RGS7: variants seen among roughly 807,000 people sequenced by gnomAD.
RGS7 encodes regulator of G protein signaling 7.
In RGS7, 27 loss-of-function variants were observed where a neutral mutation model predicts 81.1. The observed-to-expected ratio is 0.33, with a 90% CI of 0.25 to 0.46. RGS7 has a LOEUF of 0.46. RGS7 is among the 20% of genes least tolerant of loss of function. The pLI is 1.00. For synonymous variants in RGS7, 208 were observed against 207.7 expected (o/e 1.00, Z -0.01); for missense variants, 396 against 607.4 (o/e 0.65, Z 3.66).
chr1:241,072,900 C>G (rs2062562926), intron 3 of RGS7, among the ~76,000 whole-genome samples: 4 of 152,112 alleles, frequency 2.6e-5, no homozygotes, highest in Admixed American at 1.3e-4. Flanking sequence ...TCAGGAGCTT[C>G]TCAGTATTTT....
At chr1:240,866,718 C>T (rs1221627414) in intron 9 of RGS7, among the ~76,000 whole-genome samples, 1 of 152,080 alleles carries the variant, frequency 6.6e-6, no homozygotes. Context: ...GAGGGAAAGA[C>T]AACTTTGATC....
chr1:240,961,841 C>T (rs1170091668), intron 4 of RGS7, among the ~76,000 whole-genome samples: 2 of 151,570 alleles, frequency 1.3e-5, no homozygotes, highest in East Asian at 1.9e-4. Context: ...TTATATTGTC[C>T]AAAACTTTTC....
chr1:240,866,128 A>G (rs535719866), intron 9 of RGS7, among the ~76,000 whole-genome samples: 91 of 152,358 alleles, frequency 6.0e-4, no homozygotes, highest in African/African-American at 1.8e-3. Context: ...TAATGTTAAG[A>G]AAAAGAAATG....
intron 2 of RGS7, among the ~76,000 whole-genome samples, chr1:241,172,547 A>G (rs1202018608): frequency 6.6e-6 from 1 of 152,098 alleles, no homozygotes; most frequent in Non-Finnish European, 1.5e-5. Flanking sequence ...GTTTAAGGCT[A>G]GGGGGATAGC....
At chr1:241,306,224 CACT>C (rs2080114927) in intron 2 of RGS7, among the ~76,000 whole-genome samples, 5 of 150,862 alleles carry the variant, frequency 3.3e-5, no homozygotes, top group South Asian at 2.1e-4. Context: ...CACAAGCACA[CACT>C]ACTACACACC....
At chr1:241,327,147 G>GAAAGAAAGAAAGAAAAGA (rs2081645661) in intron 2 of RGS7, among the ~76,000 whole-genome samples, 22 of 74,478 alleles carry the variant, frequency 3.0e-4, no homozygotes, top group African/African-American at 7.9e-4. Context: ...AGAAAGAAAG[G>GAAAGAAAGAAAGAAAAGA]AAAGAAAGAA....
chr1:240,849,109 T>G (rs1659623344), intron 9 of RGS7, among the ~76,000 whole-genome samples: 1 of 152,202 alleles, frequency 6.6e-6, no homozygotes, highest in Non-Finnish European at 1.5e-5. Context: ...CTTTCTTTCA[T>G]CCTAATTTTT....
intron 3 of RGS7, among the ~76,000 whole-genome samples, chr1:241,055,540 A>T (rs946871082): frequency 6.6e-6 from 1 of 152,212 alleles, no homozygotes; most frequent in African/African-American, 2.4e-5. Flanking sequence ...ATTATAAAGG[A>T]TATTACAAAG....
At chr1:241,058,221 C>T (rs1057215681) in intron 3 of RGS7, among the ~76,000 whole-genome samples, 4 of 152,108 alleles carry the variant, frequency 2.6e-5, no homozygotes, top group South Asian at 2.1e-4. Flanking sequence ...CATCTGGGGG[C>T]GTTCCACCAG....
At chr1:240,937,653 T>C (rs1368796418) in intron 4 of RGS7, among the ~76,000 whole-genome samples, 2 of 152,236 alleles carry the variant, frequency 1.3e-5, no homozygotes, top group Admixed American at 6.5e-5. Flanking sequence ...TATAGCACTT[T>C]AAACTTTTAA....
At chr1:241,254,123 C>G (rs570169547) in intron 2 of RGS7, among the ~76,000 whole-genome samples, 15 of 151,118 alleles carry the variant, frequency 9.9e-5, no homozygotes, top group Middle Eastern at 6.8e-3. Context: ...TGGCACAAAC[C>G]CGGGAGGTGG....
At chr1:241,046,120 T>C (rs1173032224) in intron 3 of RGS7, among the ~76,000 whole-genome samples, 1 of 152,212 alleles carries the variant, frequency 6.6e-6, no homozygotes, top group Non-Finnish European at 1.5e-5. Flanking sequence ...CCAAGCATTT[T>C]GTTTTCTGCT....
chr1:240,873,680 GC>G (rs1664870691), intron 6 of RGS7, among the ~76,000 whole-genome samples: 1 of 152,130 alleles, frequency 6.6e-6, no homozygotes, highest in African/African-American at 2.4e-5. Flanking sequence ...CAACACTGAT[GC>G]CCATGACAAA....
At position 241,304,224 on chromosome 1, in the gene RGS7, C is replaced by T. The variant is rs547920054; in HGVS notation, c.78+51475G>A. Among the ~76,000 whole-genome samples, 66 of 152,260 alleles carry T rather than the reference C, an allele frequency of 4.3e-4. No homozygotes were observed. The South Asian group carries it at 0.013, about 29-fold the overall frequency. ...GAGTAACTAGGACTACAAGCCTGTG[C>T]CTAATTTATATTTTAACAGGATCAC... On this transcript the variant is annotated intron_variant, in intron 2 of 18. Transcript: ENST00000440928.
intron 9 of RGS7, among the ~76,000 whole-genome samples, chr1:240,859,150 T>C (rs1661686931): frequency 6.6e-6 from 1 of 152,108 alleles, no homozygotes; most frequent in South Asian, 2.1e-4. Context: ...ATTGATTCAA[T>C]TTCTTCATTT....
intron 2 of RGS7, among the ~76,000 whole-genome samples, chr1:241,167,506 C>T (rs1438086953): frequency 6.6e-6 from 1 of 151,914 alleles, no homozygotes; most frequent in East Asian, 1.9e-4. Context: ...GACAGCTGTA[C>T]TCTTTGGTCC....
At chr1:240,808,814 G>A (rs990011850) in intron 14 of RGS7, among the ~76,000 whole-genome samples, 6 of 151,902 alleles carry the variant, frequency 3.9e-5, no homozygotes, top group Admixed American at 2.0e-4. Flanking sequence ...TTTCAAGGCT[G>A]CTATGAGCTA....
chr1:240,837,278 G>C (rs1694872611), intron 9 of RGS7, among the ~76,000 whole-genome samples: 1 of 152,220 alleles, frequency 6.6e-6, no homozygotes, highest in South Asian at 2.1e-4. Context: ...CTGGCCTGCT[G>C]TGCGCACATG....
intron 2 of RGS7, among the ~76,000 whole-genome samples, chr1:241,141,178 A>G (rs1276868060): frequency 2.0e-5 from 3 of 152,206 alleles, no homozygotes; most frequent in Non-Finnish European, 1.5e-5. Context: ...CTAACCGTCT[A>G]AATTCTCTAC....
Sources: allele counts gnomAD v4.1 joint callset (sites outside exome capture counted in the v4.1 genomes callset), GRCh38; gene constraint gnomAD v4.1.1; transcripts MANE v1.5; gene names NCBI Gene and HGNC (gene_info 2026-07-23, HGNC 2026-07-21).